TMEM217B: variants seen among roughly 807,000 people sequenced by gnomAD.
TMEM217B encodes the protein transmembrane protein 217B.
At chr6:37,245,877 G>A in the TMEM217B span, among the ~76,000 whole-genome samples, 5 of 151,124 alleles carry the variant, frequency 3.3e-5, no homozygotes, top group African/African-American at 1.2e-4. Flanking sequence ...TTGGCTCACC[G>A]CAACCTCTGC....
At chr6:37,248,878 G>A in the TMEM217B span, among the ~76,000 whole-genome samples, 1,813 of 152,260 alleles carry the variant, frequency 0.012, 32 homozygotes, top group Middle Eastern at 0.044. Context: ...TTAAGGTTCT[G>A]GAGGCTAGAA....
the TMEM217B span, among the ~76,000 whole-genome samples, chr6:37,226,722 C>T: frequency 6.6e-6 from 1 of 152,090 alleles, no homozygotes; most frequent in Admixed American, 6.6e-5. Context: ...CAACCACACC[C>T]AGCTAATTTT....
At chr6:37,216,782 C>A in the TMEM217B span, among the ~76,000 whole-genome samples, 13 of 152,076 alleles carry the variant, frequency 8.5e-5, no homozygotes, top group Non-Finnish European at 1.6e-4. Flanking sequence ...AGGGGCAGAG[C>A]CCTCATGAAT....
chr6:37,251,017 T>G, the TMEM217B span, among the ~76,000 whole-genome samples: 248 of 140,788 alleles, frequency 1.8e-3, 1 homozygote, highest in African/African-American at 6.1e-3. Context: ...AAGAGCTGCC[T>G]GACCCTTTCC....
chr6:37,230,762 C>T, the TMEM217B span, among the ~76,000 whole-genome samples: 2 of 152,110 alleles, frequency 1.3e-5, no homozygotes, highest in East Asian at 3.8e-4. Context: ...AATAAAGGGG[C>T]CAAAATTCTG....
At chr6:37,250,538 TA>T in the TMEM217B span, among the ~76,000 whole-genome samples, 1 of 152,250 alleles carries the variant, frequency 6.6e-6, no homozygotes, top group South Asian at 2.1e-4. Flanking sequence ...CAACATTTAG[TA>T]AAGTGGAAGT....
chr6:37,238,493 G>T, the TMEM217B span, among the ~76,000 whole-genome samples: 10 of 152,242 alleles, frequency 6.6e-5, no homozygotes, highest in Non-Finnish European at 1.2e-4. Context: ...GGCAAAATAT[G>T]TGCTTTTCCA....
At chr6:37,252,036 G>A in the TMEM217B span, among the ~76,000 whole-genome samples, 1 of 152,162 alleles carries the variant, frequency 6.6e-6, no homozygotes, top group African/African-American at 2.4e-5. Context: ...TGGGATTACA[G>A]GCATGCGCCA....
At chr6:37,243,460 A>T in the TMEM217B span, among the ~76,000 whole-genome samples, 3 of 152,224 alleles carry the variant, frequency 2.0e-5, no homozygotes, top group Non-Finnish European at 4.4e-5. Context: ...CCTGCCTGCT[A>T]CACAGACAAA....
chr6:37,242,373 C>T, the TMEM217B span, among the ~76,000 whole-genome samples: 1 of 152,200 alleles, frequency 6.6e-6, no homozygotes, highest in Non-Finnish European at 1.5e-5. Flanking sequence ...ATTCTATTCA[C>T]CCTCAACTTT....
the TMEM217B span, chr6:37,219,054 A>G: frequency 6.3e-7 from 1 of 1,599,288 alleles, no homozygotes. Flanking sequence ...GTGAAGACAA[A>G]CAACATGAGG....
chr6:37,226,539 C>T, the TMEM217B span, among the ~76,000 whole-genome samples: 3 of 151,306 alleles, frequency 2.0e-5, no homozygotes, highest in Non-Finnish European at 4.4e-5. Context: ...CCTCGTGATC[C>T]GCCCGCCTCG....
the TMEM217B span, among the ~76,000 whole-genome samples, chr6:37,214,022 TC>T: frequency 6.6e-6 from 1 of 152,170 alleles, no homozygotes. Context: ...ATGGGTCCTG[TC>T]CAGCCAGGCA....
chr6:37,258,105 C>G, the TMEM217B span: 4 of 1,015,422 alleles, frequency 3.9e-6, no homozygotes, highest in Non-Finnish European at 5.6e-6. Context: ...TGCCTGGTGG[C>G]GGCAGGGCAG....
chr6:37,246,054 G>A, the TMEM217B span, among the ~76,000 whole-genome samples: 1 of 152,048 alleles, frequency 6.6e-6, no homozygotes, highest in African/African-American at 2.4e-5. Context: ...CACCTGCCTC[G>A]GCCTCCCAAA....
chr6:37,223,076 C>T, the TMEM217B span, among the ~76,000 whole-genome samples: 25 of 151,962 alleles, frequency 1.6e-4, no homozygotes, highest in African/African-American at 5.1e-4. Context: ...CAGAAATTAT[C>T]CAGAATGTAG....
the TMEM217B span, chr6:37,217,986 T>C: frequency 1.0e-6 from 1 of 989,798 alleles, no homozygotes; most frequent in South Asian, 4.6e-5. Context: ...GTTGTGATTA[T>C]AATCACATTT....
chr6:37,227,592 G>A, the TMEM217B span, among the ~76,000 whole-genome samples: 116 of 151,832 alleles, frequency 7.6e-4, no homozygotes, highest in Non-Finnish European at 1.4e-3. Flanking sequence ...GACTACAGGC[G>A]CACACCACCA....
At chr6:37,243,040 G>A in the TMEM217B span, among the ~76,000 whole-genome samples, 100 of 152,210 alleles carry the variant, frequency 6.6e-4, 3 homozygotes, top group East Asian at 0.019. Context: ...GAATGGGATC[G>A]CCATAACTTG....
Sources: allele counts gnomAD v4.1 joint callset (sites outside exome capture counted in the v4.1 genomes callset), GRCh38; gene constraint gnomAD v4.1.1; transcripts MANE v1.5; gene names NCBI Gene and HGNC (gene_info 2026-07-23, HGNC 2026-07-21).